COG2: variants seen among roughly 807,000 people sequenced by gnomAD.
COG2 encodes the protein component of oligomeric golgi complex 2, also known as conserved oligomeric Golgi complex subunit 2.
In COG2, 52 loss-of-function variants were observed where a neutral mutation model predicts 90.6. The observed-to-expected ratio is 0.57, with a 90% CI of 0.46 to 0.72. The LOEUF is 0.72. Among genes scored for constraint, COG2 ranks in the 30% least tolerant of loss-of-function variants. The probability of loss-of-function intolerance (pLI) is 0.00; values close to 1 mark genes in which losing one functional copy is unlikely to be tolerated. For synonymous variants in COG2, 337 were observed against 320.4 expected (o/e 1.05, Z -0.55); for missense variants, 829 against 891.2 (o/e 0.93, Z 0.89).
chr1:230,691,831 G>A (rs913137638), intron 17 of COG2: 9 of 394,702 alleles, frequency 2.3e-5, no homozygotes, highest in South Asian at 1.2e-4. Flanking sequence ...CCATGCTCAC[G>A]GAGCTCACTA....
At position 230,660,842 on chromosome 1, in the gene COG2, A is replaced by T. The variant is rs1172211876; in HGVS notation, c.300+19A>T. The T allele has an allele frequency of 6.5e-6, 10 of 1,532,526 alleles. No homozygotes were observed. Among genetic ancestry groups the T allele is most frequent in the South Asian group, 3.7e-5 (3 of 81,562 alleles). The allele number at this position is 1,532,526 out of a possible 1,614,324, so 94.9% of individuals were successfully genotyped here. ...GGTTCTGGTAAGTTTCCCGAATAAC[A>T]TCAAACAGTTTACCCTAAAGCATGA... On this transcript the variant is annotated intron_variant, in intron 3 of 17. Coordinates refer to ENST00000366669, the MANE Select transcript of COG2 (RefSeq NM_007357.3).
rs574569555 is a variant in COG2 at position 230,686,356 on chromosome 1, T to C, written c.1381-579T>C. Among the ~76,000 whole-genome samples the C allele has an allele frequency of 2.6e-5, 4 of 152,338 alleles. No individual in the cohort carries two copies. The South Asian group carries it at 8.3e-4, about 32-fold the overall frequency. ...GGTTAGGACGATTATTCAATTAGGC[T>C]AAGCATGCGTTCTTGCTAGCCAGGA... is the stretch of plus-strand genomic sequence containing the variant. On this transcript the variant is annotated intron_variant, in intron 12 of 17. Coordinates refer to ENST00000366669, the MANE Select transcript of COG2 (RefSeq NM_007357.3).
At chr1:230,679,580 A>G (rs1662683889) in intron 10 of COG2, 1 of 152,286 alleles carries the variant, frequency 6.6e-6, no homozygotes, top group African/African-American at 2.4e-5. Flanking sequence ...TCTTTGTGAC[A>G]TTTGTACCCT....
In COG2 at chr1:230,669,383, C is replaced by T; in HGVS notation, c.622C>T (p.Gln208Ter). The part of the protein sequence containing the change: ...PRIAGITAML[Q>*]QSLEGLLLEG... ...TATAGCTGGCATTACAGCCATGTTA[C>T]AGCAGTCACTGGAAGGTCTCCTATT... Residue 208 changes from glutamine to a stop codon, truncating the protein, a stop_gained, in exon 7 of 18, where the codon CAG becomes TAG. Coordinates refer to ENST00000366669, the MANE Select transcript of COG2 (RefSeq NM_007357.3). LOFTEE classifies it high-confidence loss of function. The T allele has an allele frequency of 6.2e-7, 1 of 1,613,746 alleles. No homozygotes were observed. Among genetic ancestry groups the T allele is most frequent in the Non-Finnish European group, 8.5e-7 (1 of 1,179,710 alleles).
chr1:230,642,787 C>A, intron 1 of COG2, 109 bp downstream of exon 1: 1 of 1,075,438 alleles, frequency 9.3e-7, no homozygotes, highest in Admixed American at 2.5e-5. Context: ...CGCTCAGTGT[C>A]AGGTCCTCCG....
At position 230,693,402 on chromosome 1, in the gene COG2, G is replaced by A. The variant is rs949045355; in HGVS notation, c.*9G>A. On this transcript the variant is annotated 3_prime_UTR_variant, in exon 18 of 18. Transcript: ENST00000366669. ...CAGCAGAGCAGCCTTAAGCATCTTG[G>A]AAGATCCCGAGGTTAGATTCTTAAG... 1.1e-5 allele frequency: 17 copies of A among 1,565,612 alleles called. No homozygotes were observed. The highest frequency in any genetic ancestry group is 1.7e-5 in the Admixed American group (1 of 58,040).
At chr1:230,690,341 G>T in intron 16 of COG2, 188 bp downstream of exon 16, 1 of 505,002 alleles carries the variant, frequency 2.0e-6, no homozygotes, top group Admixed American at 4.1e-5. Flanking sequence ...ACGGCCTGTG[G>T]GCTGGCTTCC....
intron 11 of COG2, 60 bp downstream of exon 11, chr1:230,683,695 A>G: frequency 2.7e-6 from 3 of 1,128,578 alleles, no homozygotes; most frequent in Non-Finnish European, 4.0e-6. Context: ...CAGTTCACCA[A>G]GTCATCTGGA....
intron 1 of COG2, among the ~76,000 whole-genome samples, chr1:230,658,649 C>T (rs996052912): frequency 4.0e-4 from 61 of 152,266 alleles, no homozygotes; most frequent in Non-Finnish European, 4.3e-4. Context: ...AAGCTGCACC[C>T]GCAGCCATCC....
intron 5 of COG2, among the ~76,000 whole-genome samples, chr1:230,666,484 A>G (rs901601403): frequency 6.6e-6 from 1 of 152,086 alleles, no homozygotes; most frequent in Non-Finnish European, 1.5e-5. Flanking sequence ...CTAGCTGCCA[A>G]ATGGATCTTT....
At chr1:230,660,384 T>C (rs550683133) in intron 2 of COG2, among the ~76,000 whole-genome samples, 3 of 152,356 alleles carry the variant, frequency 2.0e-5, no homozygotes, top group South Asian at 2.1e-4. Context: ...AGGATAGATA[T>C]ACTCCTTGAG....
At chr1:230,669,718 G>C (rs1466018976) in intron 7 of COG2, 183 bp downstream of exon 7, 1 of 500,236 alleles carries the variant, frequency 2.0e-6, no homozygotes, top group Non-Finnish European at 3.4e-6. Context: ...ATGTTACGAT[G>C]CCAGGAATTG....
intron 5 of COG2, among the ~76,000 whole-genome samples, chr1:230,666,420 G>A (rs1408332542): frequency 2.0e-5 from 3 of 152,042 alleles, no homozygotes; most frequent in South Asian, 2.1e-4. Context: ...CCATTGCCTC[G>A]TTTCAGGCAG....
intron 1 of COG2, among the ~76,000 whole-genome samples, chr1:230,653,071 A>G (rs1276790026): frequency 3.9e-5 from 6 of 152,186 alleles, no homozygotes; most frequent in African/African-American, 1.4e-4. Flanking sequence ...AACTATAGTC[A>G]TCATGCTATA....
At chr1:230,659,350 G>C (rs1310703231) in intron 1 of COG2, 114 bp from the exon 2 acceptor site, 1 of 834,840 alleles carries the variant, frequency 1.2e-6, no homozygotes, top group Non-Finnish European at 2.0e-6. Flanking sequence ...TCCTGCAGCA[G>C]CATGGCCTTG....
chr1:230,688,486 A>G lies in COG2; in HGVS notation c.1718A>G (p.Gln573Arg). ...CCCTCCTTGAGTAGCAAGATCATCC[A>G]GGATTTAAGTGACTCTTGCTTCGGT... ...CVPSLSSKII[Q>R]DLSDSCFGFL... The change falls in exon 15 of 18, where the codon CAG becomes CGG. Residue 573 changes from glutamine to arginine, a missense_variant. Physicochemically the swap from Gln to Arg is conservative, Grantham distance 43. Coordinates refer to ENST00000366669, the MANE Select transcript of COG2 (RefSeq NM_007357.3). The G allele has an allele frequency of 6.2e-7, 1 of 1,614,138 alleles. No homozygotes were observed. Among genetic ancestry groups the G allele is most frequent in the South Asian group, 1.1e-5 (1 of 91,076 alleles).
At chr1:230,673,393 A>G (rs1662504472) in intron 8 of COG2, among the ~76,000 whole-genome samples, 1 of 151,676 alleles carries the variant, frequency 6.6e-6, no homozygotes, top group Admixed American at 6.6e-5. Context: ...TCCCCTTGTC[A>G]CTCCTTTCTT....
intron 16 of COG2, 80 bp downstream of exon 16, chr1:230,690,233 C>CCTTATCCATACGCAGTGCTT: frequency 7.9e-7 from 1 of 1,271,428 alleles, no homozygotes; most frequent in Non-Finnish European, 1.1e-6. Context: ...TCAAGCACTG[C>CCTTATCCATACGCAGTGCTT]GTATGGATAA....
In COG2 at chr1:230,647,653, C is replaced by T. The variant is rs1661821838; in HGVS notation, c.72+4975C>T. ...CCGCAGAGGATTGATTCCAGGACAC[C>T]TCCCACCCCTTCACAGATAGCAAAA... On this transcript the variant is annotated intron_variant, in intron 1 of 17. Coordinates refer to ENST00000366669, the MANE Select transcript of COG2 (RefSeq NM_007357.3). Among the ~76,000 whole-genome samples the T allele has an allele frequency of 2.0e-5, 3 of 152,082 alleles. No homozygotes were observed. The South Asian group carries it at 6.2e-4, about 32-fold the overall frequency.
Sources: gnomAD v4.1 joint callset for allele counts (sites outside exome capture counted in the v4.1 genomes callset) on GRCh38, gnomAD v4.1.1 for gene constraint, MANE v1.5 for transcripts, NCBI Gene and HGNC (gene_info 2026-07-23, HGNC 2026-07-21) for gene names.